ST6GALNAC5: variants seen among roughly 807,000 people sequenced by gnomAD.
ST6GALNAC5 encodes the protein ST6 N-acetylgalactosaminide alpha-2,6-sialyltransferase 5.
ST6GALNAC5 carries 27 observed loss-of-function variants against 33.6 expected under a neutral mutation model. The observed-to-expected ratio is 0.80, with a 90% CI of 0.59 to 1.11. The LOEUF is 1.11. Among genes scored for constraint, ST6GALNAC5 ranks in the 50% least tolerant of loss-of-function variants. The probability of loss-of-function intolerance (pLI) is 0.00; values close to 1 mark genes in which losing one functional copy is unlikely to be tolerated. For missense variants in ST6GALNAC5, 428 were observed against 454.0 expected (o/e 0.94, Z 0.52); for synonymous variants, 194 against 171.2 (o/e 1.13, Z -1.04).
intron 2 of ST6GALNAC5, among the ~76,000 whole-genome samples, chr1:77,002,725 T>C (rs1650224705): frequency 6.6e-6 from 1 of 150,964 alleles, no homozygotes; most frequent in Non-Finnish European, 1.5e-5. Flanking sequence ...AACATCTTTA[T>C]TTCTGCCTTC....
chr1:76,878,064 C>T (rs1210455905), intron 2 of ST6GALNAC5, among the ~76,000 whole-genome samples: 1 of 152,172 alleles, frequency 6.6e-6, no homozygotes, highest in Non-Finnish European at 1.5e-5. Flanking sequence ...TGTCTTCTGT[C>T]CAGGCGAAAT....
At chr1:76,957,422 A>G (rs1210674542) in intron 2 of ST6GALNAC5, among the ~76,000 whole-genome samples, 2 of 152,216 alleles carry the variant, frequency 1.3e-5, no homozygotes, top group Non-Finnish European at 2.9e-5. Context: ...ACCCTAATTC[A>G]GTATGACCTC....
chr1:76,935,846 C>T (rs1647196675), intron 2 of ST6GALNAC5, among the ~76,000 whole-genome samples: 1 of 151,974 alleles, frequency 6.6e-6, no homozygotes, highest in Non-Finnish European at 1.5e-5. Flanking sequence ...CACTTTCTAG[C>T]CCTTGGGATA....
intron 2 of ST6GALNAC5, among the ~76,000 whole-genome samples, chr1:76,878,305 C>T (rs1653695841): frequency 6.6e-6 from 1 of 152,172 alleles, no homozygotes; most frequent in Admixed American, 6.5e-5. Flanking sequence ...CTAAGTATGT[C>T]TATGCCAGTT....
chr1:76,940,006 T>C (rs1647295698), intron 2 of ST6GALNAC5, among the ~76,000 whole-genome samples: 2 of 152,232 alleles, frequency 1.3e-5, no homozygotes, highest in East Asian at 3.9e-4. Context: ...GATATGTGAA[T>C]GCATGTGAAA....
intron 4 of ST6GALNAC5, among the ~76,000 whole-genome samples, chr1:77,058,613 A>G (rs964686791): frequency 6.6e-6 from 1 of 152,222 alleles, no homozygotes; most frequent in African/African-American, 2.4e-5. Flanking sequence ...TTGAGACATC[A>G]GAATCATGGG....
chr1:76,926,230 C>G (rs531058146), intron 2 of ST6GALNAC5, among the ~76,000 whole-genome samples: 1 of 152,132 alleles, frequency 6.6e-6, no homozygotes, highest in Admixed American at 6.6e-5. Flanking sequence ...AAAGAGAAGT[C>G]ACTTATAATT....
chr1:76,875,814 G>A (rs1307385528), intron 2 of ST6GALNAC5, among the ~76,000 whole-genome samples: 1 of 152,056 alleles, frequency 6.6e-6, no homozygotes, highest in Non-Finnish European at 1.5e-5. Context: ...TGGCCTTCTG[G>A]AGAACTTTGC....
At chr1:77,037,805 G>A (rs1248476168) in intron 2 of ST6GALNAC5, among the ~76,000 whole-genome samples, 1 of 152,146 alleles carries the variant, frequency 6.6e-6, no homozygotes, top group Non-Finnish European at 1.5e-5. Flanking sequence ...TGGCAGCAGG[G>A]ATGGTGAGAA....
At chr1:77,038,728 A>G (rs1002429807) in intron 2 of ST6GALNAC5, among the ~76,000 whole-genome samples, 3 of 152,248 alleles carry the variant, frequency 2.0e-5, no homozygotes, top group Admixed American at 6.5e-5. Flanking sequence ...AGGCTGTGAC[A>G]GAAATCAGAC....
chr1:76,872,363 C>T (rs950339033), intron 2 of ST6GALNAC5, among the ~76,000 whole-genome samples: 2 of 152,074 alleles, frequency 1.3e-5, no homozygotes, highest in Non-Finnish European at 2.9e-5. Context: ...TATGAAAGGG[C>T]GGTGATCAAT....
At chr1:77,031,340 T>C (rs1315461879) in intron 2 of ST6GALNAC5, among the ~76,000 whole-genome samples, 1 of 152,214 alleles carries the variant, frequency 6.6e-6, no homozygotes, top group African/African-American at 2.4e-5. Flanking sequence ...GCTGGGGTGC[T>C]GAGTTGTTAT....
chr1:76,950,167 G>A (rs761509277), intron 2 of ST6GALNAC5, among the ~76,000 whole-genome samples: 6 of 152,070 alleles, frequency 3.9e-5, no homozygotes, highest in South Asian at 2.1e-4. Context: ...GGTCATGCAC[G>A]GTATGAAGGA....
At chr1:76,932,161 T>C (rs1647149447) in intron 2 of ST6GALNAC5, among the ~76,000 whole-genome samples, 1 of 152,094 alleles carries the variant, frequency 6.6e-6, no homozygotes, top group African/African-American at 2.4e-5. Flanking sequence ...AGGAAAGAGT[T>C]TTCCTTAAAT....
At chr1:76,917,936 A>T (rs570177817) in intron 2 of ST6GALNAC5, among the ~76,000 whole-genome samples, 171 of 152,238 alleles carry the variant, frequency 1.1e-3, no homozygotes, top group Non-Finnish European at 2.0e-3. Flanking sequence ...TCTTCAACTG[A>T]TTGGATGGGG....
intron 2 of ST6GALNAC5, among the ~76,000 whole-genome samples, chr1:76,921,240 C>A (rs1319211002): frequency 6.6e-6 from 1 of 152,082 alleles, no homozygotes; most frequent in Non-Finnish European, 1.5e-5. Context: ...AGAAAAACAT[C>A]CTTTCTCTGA....
At chr1:76,872,805 A>G (rs1653540353) in intron 2 of ST6GALNAC5, among the ~76,000 whole-genome samples, 1 of 152,226 alleles carries the variant, frequency 6.6e-6, no homozygotes, top group African/African-American at 2.4e-5. Flanking sequence ...CTAATTTTCA[A>G]TGCTCAGGTA....
At chr1:76,919,493 TC>T (rs1647009865) in intron 2 of ST6GALNAC5, among the ~76,000 whole-genome samples, 1 of 152,174 alleles carries the variant, frequency 6.6e-6, no homozygotes, top group East Asian at 1.9e-4. Context: ...CCAAAAGTTT[TC>T]TGACACTCCC....
At chr1:77,023,822 A>T (rs1273829115) in intron 2 of ST6GALNAC5, among the ~76,000 whole-genome samples, 1 of 152,202 alleles carries the variant, frequency 6.6e-6, no homozygotes. Context: ...TGAGCTACAA[A>T]GCAGGAAGAA....
Sources: allele counts gnomAD v4.1 joint callset (sites outside exome capture counted in the v4.1 genomes callset), GRCh38; gene constraint gnomAD v4.1.1; transcripts MANE v1.5; gene names NCBI Gene and HGNC (gene_info 2026-07-23, HGNC 2026-07-21).